The following TRHDE variants were observed in gnomAD, a reference collection of about 807,000 sequenced individuals.
TRHDE encodes the protein thyrotropin releasing hormone degrading enzyme.
TRHDE carries 72 observed loss-of-function variants against 125.7 expected under a neutral mutation model. That is an observed-to-expected ratio of 0.57 (90% confidence interval 0.47 to 0.70). TRHDE has a LOEUF of 0.70. TRHDE is among the 30% of genes least tolerant of loss of function. TRHDE has a pLI of 0.00. For missense variants in TRHDE, 1,110 were observed against 1,327.1 expected, an observed-to-expected ratio of 0.84 and a Z score of 2.54; for synonymous variants, 509 against 509.1, an observed-to-expected ratio of 1.00 and a Z score of 0.00.
At chr12:72,297,785 C>T (rs1032319077) in intron 2 of TRHDE, among the ~76,000 whole-genome samples, 4 of 152,006 alleles carry the variant, frequency 2.6e-5, no homozygotes, top group African/African-American at 9.7e-5. Context: ...AGAGTGTGGG[C>T]AGAAGTAGTG....
At position 72,146,899 on chromosome 12, in the gene TRHDE, C is replaced by G. The variant is rs112996746; in HGVS notation, n.279+41147C>G. Among the ~76,000 whole-genome samples the G allele has an allele frequency of 2.9e-3, 447 of 152,274 alleles. 3 individuals are homozygous for G. The highest frequency in any genetic ancestry group is 0.01 in the African/African-American group (416 of 41,558). On this transcript the variant is annotated intron_variant and non_coding_transcript_variant, in intron 2 of 4. Transcript: ENST00000548156. ...TTTTTATTGAGTGGTGGAGGTGGCT[C>G]TCAGTGAGATGGATGCGGAGCCGGA...
intron 12 of TRHDE, among the ~76,000 whole-genome samples, chr12:72,601,493 A>G (rs529010958): frequency 6.6e-6 from 1 of 152,236 alleles, no homozygotes; most frequent in African/African-American, 2.4e-5. Context: ...GTTTGAGAGG[A>G]TTAACTCCAA....
chr12:72,517,238 C>A (rs1479000680), intron 6 of TRHDE, among the ~76,000 whole-genome samples: 10 of 151,494 alleles, frequency 6.6e-5, no homozygotes, highest in Admixed American at 3.9e-4. Flanking sequence ...CCTCCTTGTA[C>A]CTCTGGTAGA....
At chr12:72,455,042 C>G (rs1875775258) in intron 3 of TRHDE, among the ~76,000 whole-genome samples, 1 of 152,092 alleles carries the variant, frequency 6.6e-6, no homozygotes, top group Non-Finnish European at 1.5e-5. Context: ...TATTTTACAC[C>G]TTTAGTCTAA....
chr12:72,352,982 T>C (rs1374936885), intron 2 of TRHDE, among the ~76,000 whole-genome samples: 1 of 151,504 alleles, frequency 6.6e-6, no homozygotes, highest in Non-Finnish European at 1.5e-5. Context: ...AAAAGTAGTA[T>C]GTGTTTCTGC....
chr12:72,390,585 C>A (rs1872579599), intron 3 of TRHDE, among the ~76,000 whole-genome samples: 1 of 152,132 alleles, frequency 6.6e-6, no homozygotes, highest in African/African-American at 2.4e-5. Flanking sequence ...TCAATTAAAG[C>A]AAAATACTAT....
chr12:72,472,484 G>A (rs185120460), intron 4 of TRHDE, among the ~76,000 whole-genome samples: 1 of 152,212 alleles, frequency 6.6e-6, no homozygotes, highest in East Asian at 1.9e-4. Flanking sequence ...AGAGTCAAGG[G>A]TGAGGGACCT....
chr12:72,577,176 A>G (rs1338797176), intron 12 of TRHDE, among the ~76,000 whole-genome samples: 2 of 152,200 alleles, frequency 1.3e-5, no homozygotes, highest in Non-Finnish European at 2.9e-5. Context: ...AAGCAGAAAA[A>G]GAGAGAGTGA....
intron 2 of TRHDE, among the ~76,000 whole-genome samples, chr12:72,215,141 G>C (rs1163945364): frequency 2.0e-5 from 3 of 152,082 alleles, no homozygotes; most frequent in Non-Finnish European, 4.4e-5. Flanking sequence ...CGTTTTATAG[G>C]ATTTGGGTAG....
At chr12:72,144,058 A>T (rs1179445313) in intron 2 of TRHDE, among the ~76,000 whole-genome samples, 1 of 152,198 alleles carries the variant, frequency 6.6e-6, no homozygotes, top group Middle Eastern at 3.2e-3. Flanking sequence ...CCAGTAGTTC[A>T]AGGTTCTAAT....
intron 2 of TRHDE, among the ~76,000 whole-genome samples, chr12:72,202,721 A>T (rs945565772): frequency 6.6e-6 from 1 of 152,236 alleles, no homozygotes; most frequent in South Asian, 2.1e-4. Flanking sequence ...GTCCCATTTC[A>T]GGCAGAGCAG....
chr12:72,519,538 C>T (rs186859168), intron 6 of TRHDE, among the ~76,000 whole-genome samples: 1 of 152,148 alleles, frequency 6.6e-6, no homozygotes, highest in African/African-American at 2.4e-5. Flanking sequence ...TCTAGTTATA[C>T]ATTCTTCTAA....
intron 3 of TRHDE, among the ~76,000 whole-genome samples, chr12:72,432,981 G>A (rs1874563836): frequency 6.6e-6 from 1 of 152,066 alleles, no homozygotes; most frequent in South Asian, 2.1e-4. Flanking sequence ...GATTGAAGAA[G>A]TTACTACCTG....
At chr12:72,129,489 T>C (rs1290574263) in intron 2 of TRHDE, among the ~76,000 whole-genome samples, 1 of 152,254 alleles carries the variant, frequency 6.6e-6, no homozygotes, top group African/African-American at 2.4e-5. Context: ...TATGTGTCTA[T>C]GCAGGGTTCC....
intron 15 of TRHDE, among the ~76,000 whole-genome samples, chr12:72,626,883 T>C (rs930982944): frequency 3.9e-5 from 6 of 151,950 alleles, no homozygotes; most frequent in Non-Finnish European, 7.4e-5. Flanking sequence ...GATCCGAACT[T>C]ACTGTTTATG....
chr12:72,146,935 G>T (rs547429081), intron 2 of TRHDE, among the ~76,000 whole-genome samples: 7 of 152,330 alleles, frequency 4.6e-5, no homozygotes, highest in African/African-American at 1.7e-4. Flanking sequence ...AGAAGGGATG[G>T]GGTGGGAAGG....
intron 3 of TRHDE, among the ~76,000 whole-genome samples, chr12:72,437,752 T>C (rs995782782): frequency 2.6e-5 from 4 of 151,864 alleles, no homozygotes; most frequent in African/African-American, 4.8e-5. Flanking sequence ...AATGAACATA[T>C]ACATTACCTA....
intron 15 of TRHDE, among the ~76,000 whole-genome samples, chr12:72,630,676 T>C (rs941636554): frequency 5.3e-5 from 8 of 151,770 alleles, no homozygotes; most frequent in African/African-American, 1.9e-4. Context: ...TTTAACAAAC[T>C]TCATCCTTAT....
chr12:72,572,727 T>A (rs12304367), intron 10 of TRHDE, among the ~76,000 whole-genome samples: 1 of 151,838 alleles, frequency 6.6e-6, no homozygotes, highest in Non-Finnish European at 1.5e-5. Flanking sequence ...TCTGGTCAGA[T>A]GGTGTAGAAG....
Sources: gnomAD v4.1 joint callset for allele counts (sites outside exome capture counted in the v4.1 genomes callset) on GRCh38, gnomAD v4.1.1 for gene constraint, MANE v1.5 for transcripts, NCBI Gene and HGNC (gene_info 2026-07-23, HGNC 2026-07-21) for gene names.